The following SLC9C1 variants were observed in gnomAD, a reference collection of about 807,000 sequenced individuals.
SLC9C1 encodes the protein sodium/hydrogen exchanger 10.
A neutral mutation model predicts 140.9 loss-of-function variants in SLC9C1; 97 were observed. The observed-to-expected ratio is 0.69, with a 90% CI of 0.58 to 0.82. SLC9C1 has a LOEUF of 0.82. SLC9C1 is among the 40% of genes least tolerant of loss of function. SLC9C1 has a pLI of 0.00. For synonymous variants in SLC9C1, 440 were observed against 442.6 expected (o/e 0.99, Z 0.07); for missense variants, 1,340 against 1,389.3 (o/e 0.96, Z 0.56).
intron 15 of SLC9C1, among the ~76,000 whole-genome samples, chr3:112,214,441 A>C (rs546123018): frequency 6.6e-6 from 1 of 152,316 alleles, no homozygotes; most frequent in East Asian, 1.9e-4. Context: ...TGAAAAGATC[A>C]ACAAAATTGA....
chr3:112,149,510 T>C (rs2074898239), intron 28 of SLC9C1, among the ~76,000 whole-genome samples: 1 of 151,984 alleles, frequency 6.6e-6, no homozygotes, highest in South Asian at 2.1e-4. Context: ...ATGGGGTGGC[T>C]CAGGCTCTTG....
chr3:112,242,811 T>C (rs965431193), intron 11 of SLC9C1, among the ~76,000 whole-genome samples: 1 of 151,932 alleles, frequency 6.6e-6, no homozygotes, highest in Non-Finnish European at 1.5e-5. Context: ...ACAACTACTA[T>C]GTATCCACAA....
At chr3:112,278,365 A>G (rs80297206) in intron 4 of SLC9C1, among the ~76,000 whole-genome samples, 16,789 of 152,176 alleles carry the variant, frequency 0.11, 997 homozygotes, top group East Asian at 0.2. Flanking sequence ...ATATGAATGT[A>G]GGAAGCTCTA....
chr3:112,151,911 A>G lies in SLC9C1; in HGVS notation c.3470T>C (p.Leu1157Pro). 6.2e-7 allele frequency: 1 copy of G among 1,609,394 alleles called. No homozygotes were observed. Among genetic ancestry groups the G allele is most frequent in the Non-Finnish European group, 8.5e-7 (1 of 1,178,698 alleles). Residue 1157 changes from leucine to proline, a missense_variant, in exon 28 of 29, where the codon CTG becomes CCG. Leu to Pro is a moderately conservative substitution (Grantham distance 98, BLOSUM62 -3). Transcript: ENST00000305815. Reference protein sequence around the residue: ...TARSPQPCSLLGTKFNCKESP... With the variant: ...TARSPQPCSLPGTKFNCKESP... ...CTCCTTACAGTTGAACTTTGTCCCC[A>G]GCAGGGAGCAAGGCTGGGGACTCCT...
intron 10 of SLC9C1, among the ~76,000 whole-genome samples, chr3:112,245,079 C>G (rs1369169793): frequency 6.6e-6 from 1 of 152,184 alleles, no homozygotes; most frequent in African/African-American, 2.4e-5. Flanking sequence ...ATGCTCCTTC[C>G]TAATAAGTCA....
At chr3:112,247,728 C>A (rs2079329379) in intron 10 of SLC9C1, among the ~76,000 whole-genome samples, 1 of 150,162 alleles carries the variant, frequency 6.7e-6, no homozygotes, top group Non-Finnish European at 1.5e-5. Context: ...TCTTAGAAGT[C>A]AGGTCACAAG....
At chr3:112,254,680 C>T (rs927067251) in intron 10 of SLC9C1, among the ~76,000 whole-genome samples, 2 of 151,928 alleles carry the variant, frequency 1.3e-5, no homozygotes, top group African/African-American at 2.4e-5. Flanking sequence ...AGCAACTATA[C>T]AAACAAACTG....
chr3:112,194,803 CTTT>C (rs1049366711), intron 20 of SLC9C1, among the ~76,000 whole-genome samples: 2 of 140,944 alleles, frequency 1.4e-5, no homozygotes, highest in African/African-American at 2.6e-5. Flanking sequence ...ATGATATTTT[CTTT>C]TTTTTTTTTG....
chr3:112,278,619 C>A (rs1406391020), intron 4 of SLC9C1, 110 bp downstream of exon 4: 1 of 1,190,702 alleles, frequency 8.4e-7, no homozygotes, highest in Non-Finnish European at 1.1e-6. Flanking sequence ...TACTCCCATA[C>A]CCTTTTCTTT....
chr3:112,190,933 A>T (rs939003937), intron 20 of SLC9C1, among the ~76,000 whole-genome samples: 2 of 134,006 alleles, frequency 1.5e-5, no homozygotes, highest in Admixed American at 1.5e-4. Flanking sequence ...TTTTAAACAC[A>T]CACACACACA....
At chr3:112,221,087 T>G (rs1186936105) in intron 14 of SLC9C1, 41 bp downstream of exon 14, 3 of 1,517,862 alleles carry the variant, frequency 2.0e-6, no homozygotes, top group Non-Finnish European at 2.7e-6. Context: ...TCCTAAATGC[T>G]GTGGCTTAGA....
In SLC9C1 at chr3:112,239,582, T is replaced by C. The variant is rs9814007; in HGVS notation, c.1446+258A>G. Among the ~76,000 whole-genome samples the C allele has an allele frequency of 9.9e-3, 1,508 of 152,330 alleles. 25 individuals are homozygous for C. The highest frequency in any genetic ancestry group is 0.034 in the African/African-American group (1,406 of 41,570). On this transcript the variant is annotated intron_variant, in intron 12 of 28. Coordinates refer to ENST00000305815, the MANE Select transcript of SLC9C1 (RefSeq NM_183061.3). ...GCTGTACACTGGAGCTGTTCCTATT[T>C]GGCCATCTTGGAACCATGCCCCCAA... is the stretch of plus-strand genomic sequence containing the variant.
chr3:112,145,684 C>T (rs1454632191), intron 28 of SLC9C1, among the ~76,000 whole-genome samples: 2 of 134,138 alleles, frequency 1.5e-5, no homozygotes, highest in African/African-American at 5.6e-5. Flanking sequence ...CAATTTCTTC[C>T]TGATTCAATC....
chr3:112,241,936 A>G (rs1245318035), intron 11 of SLC9C1, among the ~76,000 whole-genome samples: 2 of 152,170 alleles, frequency 1.3e-5, no homozygotes, highest in East Asian at 3.8e-4. Flanking sequence ...TTCACTATAT[A>G]CAAAAATTTA....
chr3:112,235,264 G>T (rs1485846137), intron 12 of SLC9C1, among the ~76,000 whole-genome samples: 1 of 110,274 alleles, frequency 9.1e-6, no homozygotes, highest in East Asian at 3.3e-4. Context: ...CTCATGATTT[G>T]GCCCTCTGTT....
In SLC9C1 at chr3:112,239,843, G is replaced by A. The variant is rs774242917; in HGVS notation, c.1443C>T (p.Tyr481=). ...IEKAITLENP[Y]MLNEEETTEH... ...AAAAAAGATATTACTTGCTTACCAT[G>A]TATGGGTTTTCAAGTGTAATTGCTT... The change falls in exon 12 of 29, where the codon TAC becomes TAT. Residue 481 remains tyrosine (Y), a synonymous_variant. Coordinates refer to ENST00000305815, the MANE Select transcript of SLC9C1 (RefSeq NM_183061.3). 21 of 1,609,780 alleles carry A rather than the reference G, an allele frequency of 1.3e-5. No homozygotes were observed. The highest frequency in any genetic ancestry group is 1.7e-4 in the Middle Eastern group (1 of 5,960).
chr3:112,237,708 G>A (rs1018151087), intron 12 of SLC9C1, among the ~76,000 whole-genome samples: 8 of 152,054 alleles, frequency 5.3e-5, no homozygotes, highest in African/African-American at 1.9e-4. Context: ...TTTCTCCTTT[G>A]CTTATGAAGC....
chr3:112,289,216 T>C (rs2080605686), intron 1 of SLC9C1, among the ~76,000 whole-genome samples: 1 of 152,236 alleles, frequency 6.6e-6, no homozygotes, highest in Non-Finnish European at 1.5e-5. Context: ...ACAAGTTTTG[T>C]TTGTTATTTA....
intron 26 of SLC9C1, among the ~76,000 whole-genome samples, chr3:112,155,910 G>T (rs72944210): frequency 1.3e-5 from 2 of 151,874 alleles, no homozygotes; most frequent in African/African-American, 2.4e-5. Context: ...TATTTTGGGG[G>T]TACATATAAT....
Sources: allele counts gnomAD v4.1 joint callset (sites outside exome capture counted in the v4.1 genomes callset), GRCh38; gene constraint gnomAD v4.1.1; transcripts MANE v1.5; gene names NCBI Gene and HGNC (gene_info 2026-07-23, HGNC 2026-07-21).